ATP2B4: variants seen among roughly 807,000 people sequenced by gnomAD.
ATP2B4 encodes the protein plasma membrane calcium-transporting ATPase 4.
ATP2B4 carries 39 observed loss-of-function variants against 110.3 expected under a neutral mutation model. The observed-to-expected ratio is 0.35, with a 90% confidence interval of 0.27 to 0.46. The LOEUF (loss-of-function observed/expected upper bound fraction) is 0.46, where lower values mean the gene tolerates loss of function less well. Ranked by LOEUF, ATP2B4 falls within the 20% of genes least tolerant of loss-of-function variation. The pLI is 1.00. For missense variants in ATP2B4, 1,135 were observed against 1,530.9 expected (o/e 0.74, Z 4.32); for synonymous variants, 538 against 571.7 (o/e 0.94, Z 0.84).
intron 1 of ATP2B4, among the ~76,000 whole-genome samples, chr1:203,654,825 T>A (rs1204303119): frequency 6.9e-6 from 1 of 144,736 alleles, no homozygotes; most frequent in Non-Finnish European, 1.5e-5. Context: ...AGGTCGAGGG[T>A]GCAGTGAGCC....
At chr1:203,735,293 T>G (rs1666850895) in intron 20 of ATP2B4, among the ~76,000 whole-genome samples, 1 of 152,196 alleles carries the variant, frequency 6.6e-6, no homozygotes, top group Admixed American at 6.5e-5. Context: ...CATTGGTAGA[T>G]TCTTGGATTC....
chr1:203,721,309 C>T lies in ATP2B4; in HGVS notation c.2711C>T (p.Pro904Leu), dbSNP rs1666315382. Residue 904 changes from proline to leucine, a missense_variant, in exon 17 of 21, where the codon CCC (proline) becomes CTC (leucine). Pro to Leu is a moderately conservative substitution (Grantham distance 98). Coordinates refer to ENST00000357681, the MANE Select transcript of ATP2B4 (RefSeq NM_001684.5). ...PPTESLLKRR[P>L]YGRNKPLISR... ...ACGGAATCTCTGTTGAAGCGGCGCCCCTATGGCCGAAATAAGCCTCTGATC... is the reference window on the plus strand; with the variant it reads ...ACGGAATCTCTGTTGAAGCGGCGCCTCTATGGCCGAAATAAGCCTCTGATC... The T allele has an allele frequency of 1.2e-6, 2 of 1,614,202 alleles. No homozygotes were observed. The highest frequency in any genetic ancestry group is 1.1e-5 in the South Asian group (1 of 91,080).
At chr1:203,648,844 T>C (rs1363829618) in intron 1 of ATP2B4, among the ~76,000 whole-genome samples, 1 of 152,216 alleles carries the variant, frequency 6.6e-6, no homozygotes, top group Non-Finnish European at 1.5e-5. Context: ...AGAGAGTTTT[T>C]CATCATTACA....
At chr1:203,671,215 A>G (rs1170535135) in intron 1 of ATP2B4, among the ~76,000 whole-genome samples, 1 of 152,180 alleles carries the variant, frequency 6.6e-6, no homozygotes, top group Non-Finnish European at 1.5e-5. Flanking sequence ...TAGCATATTT[A>G]TTAGTCAGTT....
chr1:203,642,377 C>G (rs927595720), intron 1 of ATP2B4, among the ~76,000 whole-genome samples: 1 of 152,198 alleles, frequency 6.6e-6, no homozygotes, highest in Non-Finnish European at 1.5e-5. Context: ...AAACACTGCA[C>G]CTGGCCTCAC....
At chr1:203,681,899 C>A (rs1261537777) in intron 1 of ATP2B4, among the ~76,000 whole-genome samples, 1 of 149,156 alleles carries the variant, frequency 6.7e-6, no homozygotes, top group African/African-American at 2.5e-5. Flanking sequence ...AACTCCCTAT[C>A]TTTCCTCCTC....
At chr1:203,670,949 G>A (rs1362627670) in intron 1 of ATP2B4, among the ~76,000 whole-genome samples, 4 of 152,182 alleles carry the variant, frequency 2.6e-5, no homozygotes, top group Non-Finnish European at 5.9e-5. Context: ...TATCATATGA[G>A]ATGGGAGGAA....
chr1:203,739,086 A>G (rs970317577), intron 20 of ATP2B4, among the ~76,000 whole-genome samples: 1 of 152,220 alleles, frequency 6.6e-6, no homozygotes, highest in South Asian at 2.1e-4. Context: ...ACCTCAATGC[A>G]TAATTTTTCC....
chr1:203,627,982 C>T (rs184747459), intron 1 of ATP2B4, among the ~76,000 whole-genome samples: 7 of 152,308 alleles, frequency 4.6e-5, no homozygotes, highest in African/African-American at 1.4e-4. Context: ...GTATGAGTGT[C>T]TCCGAGGGCA....
intron 1 of ATP2B4, among the ~76,000 whole-genome samples, chr1:203,642,358 A>G (rs1663659501): frequency 6.6e-6 from 1 of 152,192 alleles, no homozygotes; most frequent in African/African-American, 2.4e-5. Context: ...TGCTGGGATT[A>G]CAGGCGTGAA....
At chr1:203,731,849 CAAAAA>C (rs35528335) in intron 20 of ATP2B4, among the ~76,000 whole-genome samples, 1 of 51,066 alleles carries the variant, frequency 2.0e-5, no homozygotes, top group African/African-American at 9.0e-5. Context: ...GACTCTGTCT[CAAAAA>C]AAAAAAAAAA....
At chr1:203,650,968 C>T (rs1663972579) in intron 1 of ATP2B4, among the ~76,000 whole-genome samples, 1 of 152,120 alleles carries the variant, frequency 6.6e-6, no homozygotes, top group African/African-American at 2.4e-5. Context: ...GAGATGGGGT[C>T]TCACTGTGTT....
At chr1:203,703,226 C>G (rs1282230942) in intron 7 of ATP2B4, among the ~76,000 whole-genome samples, 1 of 151,752 alleles carries the variant, frequency 6.6e-6, no homozygotes, top group East Asian at 1.9e-4. Context: ...CAATCTTGTG[C>G]TCCAGAAACA....
Position 203,727,553 on chromosome 1 carries a change from G to T in ATP2B4, c.3291G>T (p.Leu1097=), listed in dbSNP as rs113186728. Residue 1097 remains leucine, a synonymous_variant, in exon 20 of 21, where the codon CTG becomes CTT. Coordinates refer to ENST00000357681, the MANE Select transcript of ATP2B4 (RefSeq NM_001684.5). ...GCCAGATCCTCTGGTTCCGGGGCCT[G>T]AACCGTATCCAGACTCAGGTACTCT... ...RRGQILWFRG[L]NRIQTQIKVV... is the part of the protein sequence containing the mutation. The T allele has an allele frequency of 1.7e-4, 273 of 1,613,988 alleles. No individual in the cohort carries two copies. The African/African-American group carries it at 3.0e-3, about 18-fold the overall frequency.
chr1:203,706,291 C>G (rs1431171321), intron 8 of ATP2B4, among the ~76,000 whole-genome samples: 1 of 152,028 alleles, frequency 6.6e-6, no homozygotes, highest in African/African-American at 2.4e-5. Context: ...TTTGGTTACT[C>G]TACCAATGGG....
intron 20 of ATP2B4, chr1:203,733,419 T>A: frequency 6.3e-7 from 1 of 1,594,712 alleles, no homozygotes; most frequent in Non-Finnish European, 8.6e-7. Context: ...TAGTCTATTA[T>A]GATGCATGAT....
chr1:203,657,619 T>A (rs1445399264), intron 1 of ATP2B4: 2 of 963,504 alleles, frequency 2.1e-6, no homozygotes, highest in African/African-American at 3.2e-5. Context: ...TTCAGACCAA[T>A]CATTTGCTTT....
intron 20 of ATP2B4, among the ~76,000 whole-genome samples, chr1:203,731,611 G>A (rs1052763985): frequency 6.6e-6 from 1 of 152,008 alleles, no homozygotes; most frequent in African/African-American, 2.4e-5. Flanking sequence ...CAGCACTTTG[G>A]GAGGCTGAGG....
At chr1:203,643,940 A>G (rs1014551029) in intron 1 of ATP2B4, among the ~76,000 whole-genome samples, 19 of 152,162 alleles carry the variant, frequency 1.2e-4, no homozygotes, top group African/African-American at 4.6e-4. Context: ...GGCTCATAGA[A>G]TGAGGATCAG....
Sources: gnomAD v4.1 joint callset for allele counts (sites outside exome capture counted in the v4.1 genomes callset) on GRCh38, gnomAD v4.1.1 for gene constraint, MANE v1.5 for transcripts, NCBI Gene and HGNC (gene_info 2026-07-23, HGNC 2026-07-21) for gene names.